MICAL3: variants seen among roughly 807,000 people sequenced by gnomAD.
The protein encoded by MICAL3 is [F-actin]-monooxygenase MICAL3.
MICAL3 carries 62 observed loss-of-function variants against 207.4 expected under a neutral mutation model. The ratio of observed to expected loss-of-function variants is 0.30; its 90% CI spans 0.24 to 0.37. The LOEUF (loss-of-function observed/expected upper bound fraction) is 0.37. Ranked by LOEUF, MICAL3 falls within the 10% of genes least tolerant of loss-of-function variation. The pLI, the probability that MICAL3 is intolerant of heterozygous loss-of-function variation, is 1.00. For synonymous variants in MICAL3, 1,077 were observed against 1,069.3 expected (o/e 1.01, Z -0.14); for missense variants, 2,368 against 2,635.6 (o/e 0.90, Z 2.22).
At chr22:17,871,748 G>T in intron 17 of MICAL3, 89 bp downstream of exon 17, 2 of 1,213,860 alleles carry the variant, frequency 1.6e-6, no homozygotes, top group South Asian at 1.5e-5. Context: ...ATGGAATAAG[G>T]CAGGAAGGGG....
chr22:17,862,380 G>A lies in MICAL3; in HGVS notation c.2605+2519C>T, dbSNP rs571847381. The A allele has an allele frequency of 2.1e-5, 11 of 535,552 alleles. No individual in the cohort carries two copies. In the East Asian group the frequency reaches 5.9e-4, roughly 29 times the overall value. 33.2% of individuals were successfully genotyped at this position (535,552 alleles called of 1,614,324 possible). On this transcript the variant is annotated intron_variant, in intron 19 of 31. Transcript: ENST00000441493. ...CGCCATTCTCCTGCCTCAGCCTCCCGAGTAGCTGGGACTACAGGCATCCGC... is the reference window on the plus strand; with the variant it reads ...CGCCATTCTCCTGCCTCAGCCTCCCAAGTAGCTGGGACTACAGGCATCCGC...
intron 16 of MICAL3, among the ~76,000 whole-genome samples, chr22:17,883,067 T>C (rs1929578789): frequency 2.0e-5 from 3 of 152,178 alleles, no homozygotes. Flanking sequence ...CCGTTATGAA[T>C]ACTGTAAGAG....
At chr22:17,876,880 TTAG>T (rs2146188965) in intron 16 of MICAL3, 1 of 140,890 alleles carries the variant, frequency 7.1e-6, no homozygotes, top group South Asian at 2.2e-4. Flanking sequence ...GTTAGGGAGG[TTAG>T]GGAGGTTATG....
intron 29 of MICAL3, among the ~76,000 whole-genome samples, chr22:17,799,982 A>ACACACACACACACGCG (rs932512538): frequency 6.8e-6 from 1 of 147,654 alleles, no homozygotes; most frequent in African/African-American, 2.5e-5. Context: ...ACACACACAC[A>ACACACACACACACGCG]CGCGTTGGGA....
intron 16 of MICAL3, among the ~76,000 whole-genome samples, chr22:17,877,439 G>T (rs201947938): frequency 0.16 from 5,869 of 37,434 alleles, 12 homozygotes; most frequent in Non-Finnish European, 0.16. Context: ...TTATGGAGGT[G>T]AGGGAGGTTA....
chr22:17,805,533 A>C (rs958921497), intron 29 of MICAL3, among the ~76,000 whole-genome samples: 1 of 152,240 alleles, frequency 6.6e-6, no homozygotes, highest in African/African-American at 2.4e-5. Flanking sequence ...GAAAAACAGA[A>C]CAGAAACATC....
intron 1 of MICAL3, among the ~76,000 whole-genome samples, chr22:18,000,391 C>T (rs963373532): frequency 6.6e-6 from 1 of 152,258 alleles, no homozygotes; most frequent in Non-Finnish European, 1.5e-5. Flanking sequence ...GACATACTTT[C>T]TCTGCATTCA....
intron 19 of MICAL3, chr22:17,858,441 G>C: frequency 7.1e-6 from 7 of 985,076 alleles, no homozygotes; most frequent in Non-Finnish European, 8.4e-6. Flanking sequence ...TCAGGGCTTC[G>C]TGAAAGGGGC....
At chr22:17,977,030 T>TCTC (rs1935689707) in intron 1 of MICAL3, among the ~76,000 whole-genome samples, 2 of 151,894 alleles carry the variant, frequency 1.3e-5, no homozygotes, top group African/African-American at 4.8e-5. Context: ...ATGATCTCGA[T>TCTC]CTGACCTTGT....
At chr22:17,935,560 A>G (rs1933476224) in intron 1 of MICAL3, among the ~76,000 whole-genome samples, 1 of 152,256 alleles carries the variant, frequency 6.6e-6, no homozygotes, top group South Asian at 2.1e-4. Context: ...AATGGCAACA[A>G]AAGCCAAAAT....
intron 1 of MICAL3, among the ~76,000 whole-genome samples, chr22:17,975,694 A>C (rs1435902693): frequency 1.3e-5 from 2 of 152,196 alleles, no homozygotes; most frequent in Non-Finnish European, 2.9e-5. Flanking sequence ...TGTGTCCCCA[A>C]AAAACAGAAC....
At chr22:17,874,335 G>A (rs559343625) in intron 16 of MICAL3, among the ~76,000 whole-genome samples, 7 of 152,280 alleles carry the variant, frequency 4.6e-5, no homozygotes, top group Non-Finnish European at 8.8e-5. Flanking sequence ...GCAGAGCTGA[G>A]CAGGTAACTT....
At chr22:17,890,769 T>C (rs2146231475) in intron 12 of MICAL3, among the ~76,000 whole-genome samples, 1 of 152,310 alleles carries the variant, frequency 6.6e-6, no homozygotes, top group Admixed American at 6.5e-5. Context: ...ACCAAAATAA[T>C]GCAACATGCT....
At chr22:17,851,144 C>T (rs192446457) in intron 19 of MICAL3, among the ~76,000 whole-genome samples, 314 of 152,276 alleles carry the variant, frequency 2.1e-3, no homozygotes, top group Non-Finnish European at 3.2e-3. Flanking sequence ...AGCGGTTATG[C>T]GCTGGGATTT....
intron 16 of MICAL3, among the ~76,000 whole-genome samples, chr22:17,878,930 C>A (rs748531770): frequency 3.3e-5 from 5 of 152,148 alleles, no homozygotes; most frequent in African/African-American, 1.2e-4. Context: ...CTTCAAGATC[C>A]GTGACTGCTG....
chr22:17,839,102 C>T (rs1245991632), intron 20 of MICAL3, among the ~76,000 whole-genome samples: 3 of 151,440 alleles, frequency 2.0e-5, no homozygotes, highest in Admixed American at 1.3e-4. Flanking sequence ...GTTGGGATTA[C>T]AGGCAGGTCC....
Position 17,817,686 on chromosome 22 carries a change from C to A in MICAL3, c.4975G>T (p.Glu1659Ter). Residue 1659 changes from glutamate to a stop codon, truncating the protein, a stop_gained, in exon 26 of 32, where the codon GAG becomes TAG. Transcript: ENST00000441493. LOFTEE classifies it high-confidence loss of function. ...GCTTCATGCTTCAGGGTGGGCTCCT[C>A]GGAGCCCCTGAGAGTGGGGCGTGTG... ...SPTRPTLRGS[E>*]EPTLKHEATS... 6.2e-7 allele frequency: 1 copy of A among 1,607,158 alleles called. No individual in the cohort carries two copies. Among genetic ancestry groups the A allele is most frequent in the Non-Finnish European group, 8.5e-7 (1 of 1,177,682 alleles).
In MICAL3 at chr22:17,923,238, T is replaced by C. The variant is rs181317752; in HGVS notation, c.-74-16352A>G. Among the ~76,000 whole-genome samples, 6 of 152,322 alleles carry C rather than the reference T, an allele frequency of 3.9e-5. No individual in the cohort carries two copies. In the East Asian group the frequency reaches 1.2e-3, roughly 29 times the overall value. Reference sequence around the variant, plus strand: ...ACAGCCCACAACTTCTCCCCACTTATGCACCCCTTGCCCTAGGGGTGACCC... The same window carrying C: ...ACAGCCCACAACTTCTCCCCACTTACGCACCCCTTGCCCTAGGGGTGACCC... On this transcript the variant is annotated intron_variant, in intron 1 of 31. Transcript: ENST00000441493.
chr22:17,864,747 C>G (rs1453079870), intron 19 of MICAL3, 152 bp downstream of exon 19: 1 of 1,613,856 alleles, frequency 6.2e-7, no homozygotes, highest in Admixed American at 1.7e-5. Context: ...ACGCAAGCAG[C>G]TGGCACATGA....
Sources: allele counts gnomAD v4.1 joint callset (sites outside exome capture counted in the v4.1 genomes callset), GRCh38; gene constraint gnomAD v4.1.1; transcripts MANE v1.5; gene names NCBI Gene and HGNC (gene_info 2026-07-23, HGNC 2026-07-21).